Variants in FIGN observed in about 807,000 individuals in gnomAD.
FIGN encodes the protein fidgetin, microtubule severing factor.
FIGN carries 11 observed loss-of-function variants against 51.3 expected under a neutral mutation model. The ratio of observed to expected loss-of-function variants is 0.21; its 90% confidence interval spans 0.13 to 0.35. The LOEUF is 0.35. Ranked by LOEUF, FIGN falls within the 10% of genes least tolerant of loss-of-function variation. The pLI is 1.00. For missense variants in FIGN, 857 were observed against 943.6 expected, an observed-to-expected ratio of 0.91 and a Z score of 1.20; for synonymous variants, 407 against 363.2, an observed-to-expected ratio of 1.12 and a Z score of -1.37.
intron 2 of FIGN, among the ~76,000 whole-genome samples, chr2:163,668,195 G>A (rs887896028): frequency 2.0e-5 from 3 of 152,064 alleles, no homozygotes; most frequent in Admixed American, 2.0e-4. Context: ...TCTCACATTG[G>A]GACCCAAACA....
chr2:163,714,343 G>A (rs1684636092), intron 2 of FIGN, among the ~76,000 whole-genome samples: 1 of 152,132 alleles, frequency 6.6e-6, no homozygotes, highest in South Asian at 2.1e-4. Context: ...GTACAAGTAA[G>A]CAGCATGTTT....
At chr2:163,679,684 G>A (rs1356876331) in intron 2 of FIGN, among the ~76,000 whole-genome samples, 3 of 152,090 alleles carry the variant, frequency 2.0e-5, no homozygotes, top group Non-Finnish European at 2.9e-5. Context: ...AGGTTTAAAG[G>A]TTCAATTTTC....
At chr2:163,663,525 G>C in intron 2 of FIGN, among the ~76,000 whole-genome samples, 1 of 151,426 alleles carries the variant, frequency 6.6e-6, no homozygotes, top group East Asian at 2.0e-4. Flanking sequence ...GTAGAGACGG[G>C]GTTTCTCCGT....
intron 2 of FIGN, among the ~76,000 whole-genome samples, chr2:163,688,712 T>C (rs1292454379): frequency 2.6e-5 from 4 of 152,110 alleles, no homozygotes; most frequent in African/African-American, 9.7e-5. Flanking sequence ...TAATTCAAAG[T>C]TGGTCGCAAG....
intron 2 of FIGN, among the ~76,000 whole-genome samples, chr2:163,683,136 C>T (rs1288744932): frequency 2.0e-5 from 3 of 152,130 alleles, no homozygotes; most frequent in Non-Finnish European, 2.9e-5. Context: ...ATCTTTCTCC[C>T]TTTTCCTCCC....
intron 2 of FIGN, among the ~76,000 whole-genome samples, chr2:163,711,575 C>A (rs1684588295): frequency 6.6e-6 from 1 of 151,508 alleles, no homozygotes; most frequent in East Asian, 1.9e-4. Context: ...CGCCATGTAA[C>A]CTGCAGTTCC....
intron 2 of FIGN, among the ~76,000 whole-genome samples, chr2:163,730,086 C>A (rs1684901650): frequency 6.6e-6 from 1 of 152,226 alleles, no homozygotes; most frequent in Non-Finnish European, 1.5e-5. Context: ...CGCTTCTGAG[C>A]AGGCACCTGT....
intron 2 of FIGN, among the ~76,000 whole-genome samples, chr2:163,668,739 G>C (rs189655367): frequency 6.6e-6 from 1 of 152,046 alleles, no homozygotes; most frequent in Non-Finnish European, 1.5e-5. Flanking sequence ...AGGAGATTGA[G>C]ACCATCCTGG....
At chr2:163,636,948 A>T (rs1683234328) in intron 2 of FIGN, among the ~76,000 whole-genome samples, 1 of 152,092 alleles carries the variant, frequency 6.6e-6, no homozygotes, top group Non-Finnish European at 1.5e-5. Flanking sequence ...GAGTGGTGGC[A>T]GGCGCCTGTA....
intron 2 of FIGN, among the ~76,000 whole-genome samples, chr2:163,682,997 C>A (rs933117153): frequency 3.3e-5 from 5 of 152,092 alleles, no homozygotes; most frequent in Non-Finnish European, 7.4e-5. Context: ...AGCAGTGAAA[C>A]TCTTTTCTGT....
intron 2 of FIGN, among the ~76,000 whole-genome samples, chr2:163,711,579 C>T (rs1008812812): frequency 2.7e-5 from 4 of 149,078 alleles, no homozygotes; most frequent in Non-Finnish European, 5.9e-5. Context: ...ATGTAACCTG[C>T]AGTTCCTGAA....
intron 2 of FIGN, among the ~76,000 whole-genome samples, chr2:163,667,465 C>T (rs1167509963): frequency 6.6e-6 from 1 of 152,052 alleles, no homozygotes; most frequent in Non-Finnish European, 1.5e-5. Context: ...AAAATTAAAC[C>T]CCTTCTGTCC....
intron 2 of FIGN, among the ~76,000 whole-genome samples, chr2:163,639,123 T>C (rs1683269251): frequency 6.6e-6 from 1 of 152,112 alleles, no homozygotes; most frequent in Non-Finnish European, 1.5e-5. Flanking sequence ...AACAAAAATA[T>C]ATTTAAATTT....
chr2:163,611,037 C>A lies in FIGN; in HGVS notation c.795G>T (p.Gly265=), dbSNP rs756271439. Residue 265 remains glycine, a synonymous_variant, in exon 3 of 3, where the codon GGG becomes GGT. Transcript: ENST00000333129. ...QTAVGSGYSP[G]GAPPPPSAYL... ...ACGCTGAAGGCGGAGGCGGTGCCCCCCCAGGGCTGTACCCAGACCCCACAG... is the reference window on the plus strand; with the variant it reads ...ACGCTGAAGGCGGAGGCGGTGCCCCACCAGGGCTGTACCCAGACCCCACAG... 1.9e-6 allele frequency: 3 copies of A among 1,613,882 alleles called. No homozygotes were observed. Among genetic ancestry groups the A allele is most frequent in the Admixed American group, 3.3e-5 (2 of 60,006 alleles).
rs1444672995 is a variant in FIGN, at chr2:163,602,667, A to G, written c.*6885T>C. On this transcript the variant is annotated 3_prime_UTR_variant, in exon 3 of 3. Coordinates refer to ENST00000333129, the MANE Select transcript of FIGN (RefSeq NM_018086.4). ...GGTATGCTTGTTCTTTTCTTATTCC[A>G]TGATAGTAGCATAGCCATATACAAC... 3 of 152,050 alleles carry G rather than the reference A, an allele frequency of 2.0e-5. No homozygotes were observed. Among genetic ancestry groups the G allele is most frequent in the African/African-American group, 7.2e-5 (3 of 41,428 alleles). The allele number at this position is 152,050 out of a possible 1,614,324, so 9.4% of individuals were successfully genotyped here. A position where few individuals can be genotyped will look rare whatever the true frequency, so the allele number is the denominator to read the frequency against.
rs1170451756 is a variant in FIGN at position 163,605,887 on chromosome 2, A to G, written c.*3665T>C. The G allele has an allele frequency of 6.9e-6, 1 of 145,716 alleles. No individual in the cohort carries two copies. The highest frequency in any genetic ancestry group is 2.6e-5 in the African/African-American group (1 of 39,184). 9.0% of individuals were successfully genotyped at this position (145,716 alleles called of 1,614,324 possible). A position where few individuals can be genotyped will look rare whatever the true frequency, so the allele number is the denominator to read the frequency against. The stretch of plus-strand genomic sequence containing the variant: ...AAATTTACAAAGACCTATTATAGGA[A>G]CTAATTTGGATTTTTTTTTTTTTTG... On this transcript the variant is annotated 3_prime_UTR_variant, in exon 3 of 3. Coordinates refer to ENST00000333129, the MANE Select transcript of FIGN (RefSeq NM_018086.4).
At chr2:163,649,293 G>T (rs532365080) in intron 2 of FIGN, among the ~76,000 whole-genome samples, 13 of 152,294 alleles carry the variant, frequency 8.5e-5, no homozygotes, top group Admixed American at 2.6e-4. Flanking sequence ...CTCCCACAGT[G>T]TGTCTGAGTC....
At chr2:163,631,141 C>T (rs1683139693) in intron 2 of FIGN, among the ~76,000 whole-genome samples, 1 of 152,174 alleles carries the variant, frequency 6.6e-6, no homozygotes, top group Non-Finnish European at 1.5e-5. Context: ...AGTTCATACC[C>T]ATTTTACAAC....
At chr2:163,648,821 C>A (rs1190526646) in intron 2 of FIGN, among the ~76,000 whole-genome samples, 1 of 152,156 alleles carries the variant, frequency 6.6e-6, no homozygotes, top group Non-Finnish European at 1.5e-5. Flanking sequence ...TCTTTTTACT[C>A]CAGTAACTTT....
Sources: gnomAD v4.1 joint callset for allele counts (sites outside exome capture counted in the v4.1 genomes callset) on GRCh38, gnomAD v4.1.1 for gene constraint, MANE v1.5 for transcripts, NCBI Gene and HGNC (gene_info 2026-07-23, HGNC 2026-07-21) for gene names.